Variants in LY96 observed in about 807,000 individuals in gnomAD.
LY96 encodes the protein lymphocyte antigen 96.
In LY96, 18 loss-of-function variants were observed where a neutral mutation model predicts 18.9. That is an observed-to-expected ratio of 0.95 (90% CI 0.66 to 1.41). LY96 has a LOEUF of 1.41. Ranked by LOEUF, LY96 falls within the 40% of genes most tolerant of loss-of-function variation. The probability of loss-of-function intolerance (pLI) is 0.00; values close to 1 mark genes in which losing one functional copy is unlikely to be tolerated. For synonymous variants in LY96, 66 were observed against 62.6 expected (o/e 1.06, Z -0.26); for missense variants, 175 against 182.4 (o/e 0.96, Z 0.23).
chr8:74,057,405 G>A, the LY96 span, among the ~76,000 whole-genome samples: 2,154 of 152,276 alleles, frequency 0.014, 85 homozygotes, highest in Admixed American at 0.077. Flanking sequence ...AAAATATCAT[G>A]ATGTTCTTAT....
intron 3 of LY96, among the ~76,000 whole-genome samples, chr8:74,017,002 G>C (rs1201639155): frequency 6.6e-6 from 1 of 152,228 alleles, no homozygotes; most frequent in Non-Finnish European, 1.5e-5. Context: ...CTTCTCCAAA[G>C]GATCGCAGCT....
intron 2 of LY96, among the ~76,000 whole-genome samples, chr8:74,009,542 A>T (rs1374022765): frequency 1.3e-5 from 2 of 152,156 alleles, no homozygotes; most frequent in African/African-American, 2.4e-5. Flanking sequence ...TGAGGAAATT[A>T]AAAAATAGGC....
At chr8:74,042,830 G>A in the LY96 span, among the ~76,000 whole-genome samples, 1 of 151,218 alleles carries the variant, frequency 6.6e-6, no homozygotes, top group East Asian at 1.9e-4. Context: ...AGGCTGGAGT[G>A]CAGTGGCGTG....
At chr8:74,067,254 C>CA in the LY96 span, among the ~76,000 whole-genome samples, 1 of 152,110 alleles carries the variant, frequency 6.6e-6, no homozygotes, top group Non-Finnish European at 1.5e-5. Flanking sequence ...TTTTTTGAGA[C>CA]AGAGTCTTGC....
At chr8:74,093,793 G>T in the LY96 span, among the ~76,000 whole-genome samples, 1 of 151,986 alleles carries the variant, frequency 6.6e-6, no homozygotes, top group African/African-American at 2.4e-5. Flanking sequence ...ACCCTCTGCA[G>T]GTTGCTTATA....
the LY96 span, among the ~76,000 whole-genome samples, chr8:74,071,576 A>G: frequency 6.6e-6 from 1 of 152,172 alleles, no homozygotes; most frequent in Non-Finnish European, 1.5e-5. Context: ...TTCTCCACCC[A>G]AGACTAGAAT....
intron 2 of LY96, among the ~76,000 whole-genome samples, chr8:74,007,681 A>G (rs915970739): frequency 3.3e-5 from 5 of 152,330 alleles, no homozygotes; most frequent in Admixed American, 6.5e-5. Context: ...GCTTCCTTCA[A>G]GGTTATTTCT....
the LY96 span, among the ~76,000 whole-genome samples, chr8:74,069,137 A>G: frequency 6.6e-6 from 1 of 152,238 alleles, no homozygotes; most frequent in Admixed American, 6.5e-5. Flanking sequence ...TGTCAGATAA[A>G]TATATTGTGA....
At chr8:74,018,306 A>G (rs1816686647) in intron 3 of LY96, among the ~76,000 whole-genome samples, 1 of 152,246 alleles carries the variant, frequency 6.6e-6, no homozygotes, top group Non-Finnish European at 1.5e-5. Flanking sequence ...TAAACCAACA[A>G]AGATCAAAAG....
At chr8:74,033,862 A>T (rs1341107296), downstream of LY96, among the ~76,000 whole-genome samples, 1 of 151,936 alleles carries the variant, frequency 6.6e-6, no homozygotes, top group East Asian at 1.9e-4. Flanking sequence ...GCATAAGTGT[A>T]GTAAGATTCG....
At chr8:74,032,144 A>G (rs754322338), downstream of LY96, among the ~76,000 whole-genome samples, 1 of 152,098 alleles carries the variant, frequency 6.6e-6, no homozygotes, top group Non-Finnish European at 1.5e-5. Flanking sequence ...AAACAAAACA[A>G]AACAAAAAAA....
chr8:74,027,956 T>C (rs762242998), intron 4 of LY96, among the ~76,000 whole-genome samples: 10 of 152,190 alleles, frequency 6.6e-5, no homozygotes, highest in Non-Finnish European at 1.5e-4. Flanking sequence ...AACTTGGTTG[T>C]GGAAGCCTGG....
the LY96 span, chr8:74,055,791 A>G: frequency 2.0e-5 from 3 of 152,258 alleles, no homozygotes; most frequent in African/African-American, 7.2e-5. Flanking sequence ...CAGGCATGAG[A>G]AGCATTTGCG....
chr8:74,089,687 C>T, the LY96 span, among the ~76,000 whole-genome samples: 19 of 132,750 alleles, frequency 1.4e-4, no homozygotes, highest in African/African-American at 4.7e-4. Flanking sequence ...AAGACAACGA[C>T]AGATGAACAG....
chr8:74,069,588 A>G, the LY96 span, among the ~76,000 whole-genome samples: 25 of 151,946 alleles, frequency 1.6e-4, no homozygotes, highest in African/African-American at 6.0e-4. Flanking sequence ...TTATTTATTT[A>G]TTTATTTATT....
At chr8:74,067,512 A>G in the LY96 span, among the ~76,000 whole-genome samples, 2 of 152,030 alleles carry the variant, frequency 1.3e-5, no homozygotes, top group South Asian at 2.1e-4. Context: ...TCCGCCTTCC[A>G]TGTGTTTTTT....
At chr8:74,034,202 C>G in the LY96 span, among the ~76,000 whole-genome samples, 652 of 152,230 alleles carry the variant, frequency 4.3e-3, 6 homozygotes, top group African/African-American at 0.015. Context: ...GAAACCTCAT[C>G]TCTACTAGAA....
At chr8:74,054,990 T>G in the LY96 span, among the ~76,000 whole-genome samples, 10 of 152,058 alleles carry the variant, frequency 6.6e-5, no homozygotes, top group East Asian at 1.9e-3. Context: ...TACTGCAGCC[T>G]TGACCTTCCC....
chr8:74,004,927 TA>T, intron 2 of LY96, 42 bp downstream of exon 2: 1 of 1,552,026 alleles, frequency 6.4e-7, no homozygotes. Context: ...TCAAAGGAGT[TA>T]AGAAATATCA....
Sources: allele counts gnomAD v4.1 joint callset (sites outside exome capture counted in the v4.1 genomes callset), GRCh38; gene constraint gnomAD v4.1.1; transcripts MANE v1.5; gene names NCBI Gene and HGNC (gene_info 2026-07-23, HGNC 2026-07-21).